Variants in GABRG2 observed in about 807,000 individuals in gnomAD.
The protein encoded by GABRG2 is gamma-aminobutyric acid type A receptor subunit gamma2, also known as gamma-aminobutyric acid receptor subunit gamma-2.
A neutral mutation model predicts 56.4 loss-of-function variants in GABRG2; 16 were observed. The observed-to-expected ratio is 0.28, with a 90% confidence interval of 0.19 to 0.43. The LOEUF (loss-of-function observed/expected upper bound fraction) is 0.43. GABRG2 is among the 20% of genes least tolerant of loss of function. The pLI is 1.00. For synonymous variants in GABRG2, 208 were observed against 205.5 expected, an observed-to-expected ratio of 1.01 and a Z score of -0.10; for missense variants, 327 against 582.7, an observed-to-expected ratio of 0.56 and a Z score of 4.52.
chr5:162,114,311 A>T (rs1762458373), intron 6 of GABRG2, among the ~76,000 whole-genome samples: 1 of 152,092 alleles, frequency 6.6e-6, no homozygotes, highest in Admixed American at 6.6e-5. Context: ...ATATTTTGGA[A>T]AGCAATGTGT....
At chr5:162,147,837 G>T (rs531371164) in intron 7 of GABRG2, among the ~76,000 whole-genome samples, 1 of 152,272 alleles carries the variant, frequency 6.6e-6, no homozygotes, top group African/African-American at 2.4e-5. Context: ...CCTGGTAAAA[G>T]TTGGGATTAT....
intron 1 of GABRG2, among the ~76,000 whole-genome samples, chr5:162,070,099 C>A (rs1457426775): frequency 6.6e-6 from 1 of 152,064 alleles, no homozygotes; most frequent in African/African-American, 2.4e-5. Flanking sequence ...CTTCTTGTTG[C>A]CACAGCCCCA....
intron 7 of GABRG2, among the ~76,000 whole-genome samples, chr5:162,147,036 A>G (rs1446201721): frequency 6.6e-6 from 1 of 152,132 alleles, no homozygotes; most frequent in African/African-American, 2.4e-5. Context: ...TCCTTTATTC[A>G]AGAGTGTTTT....
chr5:162,139,368 G>A (rs1018713721), intron 6 of GABRG2, among the ~76,000 whole-genome samples: 3 of 152,126 alleles, frequency 2.0e-5, no homozygotes, highest in African/African-American at 7.2e-5. Flanking sequence ...GAGTTTTCAG[G>A]AATACAAAAA....
chr5:162,125,757 C>A (rs1044661425), intron 6 of GABRG2, among the ~76,000 whole-genome samples: 3 of 151,618 alleles, frequency 2.0e-5, no homozygotes, highest in African/African-American at 7.3e-5. Context: ...AACCAAAAAA[C>A]TTACACAGAG....
At chr5:162,073,492 G>T (rs1022217461) in intron 1 of GABRG2, among the ~76,000 whole-genome samples, 1 of 151,770 alleles carries the variant, frequency 6.6e-6, no homozygotes, top group African/African-American at 2.4e-5. Flanking sequence ...GCTCAATGTT[G>T]TCCTCCAGTT....
chr5:162,083,033 A>C (rs1367120021), intron 1 of GABRG2, among the ~76,000 whole-genome samples: 1 of 151,692 alleles, frequency 6.6e-6, no homozygotes, highest in Non-Finnish European at 1.5e-5. Context: ...GAAAAGTATA[A>C]AAAAAGATGA....
chr5:162,093,876 C>A lies in GABRG2; in HGVS notation c.156C>A (p.Asn52Lys). The change falls in exon 2 of 10, where the codon AAC (asparagine) becomes AAA (lysine). Residue 52 changes from asparagine to lysine, a missense_variant. By Grantham distance (94) the Asn-to-Lys change is moderately conservative. This residue lies in a region of GABRG2 where 73 missense variants were observed against 72.2 expected (regional missense o/e 1.01). Transcript: ENST00000639213. ...ATGACTATGAAGATTATGCTTCTAACAAAACATGGGTCTTGACTCCAAAAG... is the reference window on the plus strand; with the variant it reads ...ATGACTATGAAGATTATGCTTCTAAAAAAACATGGGTCTTGACTCCAAAAG... Reference protein sequence around the residue: ...SDDDYEDYASNKTWVLTPKVP... With the variant: ...SDDDYEDYASKKTWVLTPKVP... 1 of 1,613,148 alleles carries A rather than the reference C, an allele frequency of 6.2e-7. No homozygotes were observed. Among genetic ancestry groups the A allele is most frequent in the Non-Finnish European group, 8.5e-7 (1 of 1,179,414 alleles).
chr5:162,106,772 T>C (rs935305249), intron 6 of GABRG2, among the ~76,000 whole-genome samples: 2 of 152,216 alleles, frequency 1.3e-5, no homozygotes, highest in South Asian at 4.1e-4. Context: ...AAGTAGTGAC[T>C]GTACTTCTGA....
intron 1 of GABRG2, among the ~76,000 whole-genome samples, chr5:162,072,232 A>G (rs1758727456): frequency 6.6e-6 from 1 of 151,946 alleles, no homozygotes; most frequent in South Asian, 2.1e-4. Flanking sequence ...AATTTTAGAT[A>G]CTGTATCTCT....
chr5:162,136,838 T>C (rs541338898), intron 6 of GABRG2, among the ~76,000 whole-genome samples: 1 of 152,304 alleles, frequency 6.6e-6, no homozygotes, highest in East Asian at 1.9e-4. Context: ...GTGTGTAAGA[T>C]AAATTAGCAT....
In GABRG2 at chr5:162,067,910, A is replaced by C. The variant is rs1758340013; in HGVS notation, c.-90A>C. On this transcript the variant is annotated 5_prime_UTR_variant, in exon 1 of 10. Transcript: ENST00000639213. ...CTAGAGGCAGGTGGGGGGAGCCACC[A>C]TCAGATCATAAGCATAAGAATAATA... 1 of 899,086 alleles carries C rather than the reference A, an allele frequency of 1.1e-6. No homozygotes were observed. Among genetic ancestry groups the C allele is most frequent in the Non-Finnish European group, 1.8e-6 (1 of 547,006 alleles). 55.7% of individuals were successfully genotyped at this position (899,086 alleles called of 1,614,324 possible).
chr5:162,153,016 G>A (rs971926977), intron 9 of GABRG2, 77 bp from the exon 10 acceptor site: 2 of 1,529,616 alleles, frequency 1.3e-6, no homozygotes, highest in Non-Finnish European at 1.8e-6. Flanking sequence ...CATCACATTG[G>A]TGACATTGTG....
At chr5:162,146,493 T>G (rs572278150) in intron 7 of GABRG2, among the ~76,000 whole-genome samples, 2 of 152,242 alleles carry the variant, frequency 1.3e-5, no homozygotes, top group South Asian at 4.1e-4. Context: ...CTACTTTATT[T>G]GCAATTAAAA....
chr5:162,103,556 A>G (rs765384810), intron 5 of GABRG2: 5 of 288,064 alleles, frequency 1.7e-5, no homozygotes, highest in East Asian at 1.6e-4. Context: ...TATTTCTACT[A>G]TTTATTATAG....
chr5:162,092,225 G>C (rs1249672540), intron 1 of GABRG2, among the ~76,000 whole-genome samples: 1 of 152,002 alleles, frequency 6.6e-6, no homozygotes, highest in Non-Finnish European at 1.5e-5. Flanking sequence ...TTTTCTCTCT[G>C]AGAGCTGACA....
intron 6 of GABRG2, among the ~76,000 whole-genome samples, chr5:162,111,981 G>A (rs1356928741): frequency 9.9e-5 from 15 of 151,890 alleles, no homozygotes; most frequent in East Asian, 1.9e-4. Flanking sequence ...CAATTATATC[G>A]TTTCATTTTT....
chr5:162,068,343 A>G (rs1264330483), intron 1 of GABRG2, among the ~76,000 whole-genome samples: 11 of 151,992 alleles, frequency 7.2e-5, no homozygotes, highest in Non-Finnish European at 1.0e-4. Context: ...TTTAGAGTGG[A>G]AAAGGTAACC....
At position 162,153,075 on chromosome 5, in the gene GABRG2, T is replaced by C; in HGVS notation, c.1153-18T>C. On this transcript the variant is annotated intron_variant, in intron 9 of 9. Coordinates refer to ENST00000639213, the MANE Select transcript of GABRG2 (RefSeq NM_198904.4). ...AGAACAACTAACTGATCCCTCTCCT[T>C]CCCTACCCTCGTCCCAGGCCCCTAC... The C allele has an allele frequency of 6.2e-7, 1 of 1,613,806 alleles. No individual in the cohort carries two copies. The highest frequency in any genetic ancestry group is 1.1e-5 in the South Asian group (1 of 91,064).
Sources: gnomAD v4.1 joint callset for allele counts (sites outside exome capture counted in the v4.1 genomes callset) on GRCh38, gnomAD v4.1.1 for gene constraint, gnomAD v4.1.1 regional missense constraint, MANE v1.5 for transcripts, NCBI Gene and HGNC (gene_info 2026-07-23, HGNC 2026-07-21) for gene names.